NRXN3: variants seen among roughly 807,000 people sequenced by gnomAD.
NRXN3 encodes the protein neurexin III.
Under a neutral mutation model 137.6 loss-of-function variants are expected in NRXN3, and 32 were observed. The ratio of observed to expected loss-of-function variants is 0.23; its 90% CI spans 0.18 to 0.31. The LOEUF (loss-of-function observed/expected upper bound fraction) is 0.31. Among genes scored for constraint, NRXN3 ranks in the 10% least tolerant of loss-of-function variants. The pLI is 1.00. For synonymous variants in NRXN3, 798 were observed against 784.5 expected (o/e 1.02, Z -0.29); for missense variants, 1,574 against 2,062.5 (o/e 0.76, Z 4.59).
At chr14:78,588,097 G>C (rs186590044) in intron 4 of NRXN3, among the ~76,000 whole-genome samples, 16 of 151,712 alleles carry the variant, frequency 1.1e-4, no homozygotes, top group Admixed American at 2.0e-4. Flanking sequence ...AAATGAGAGG[G>C]ATTTTTTTTG....
At chr14:79,679,672 T>C (rs990922204) in intron 17 of NRXN3, among the ~76,000 whole-genome samples, 1 of 152,124 alleles carries the variant, frequency 6.6e-6, no homozygotes, top group African/African-American at 2.4e-5. Context: ...AAGCACTGCT[T>C]CTAAGGTGAT....
intron 15 of NRXN3, among the ~76,000 whole-genome samples, chr14:79,155,671 T>C (rs2060196473): frequency 1.3e-5 from 2 of 151,790 alleles, no homozygotes; most frequent in African/African-American, 4.8e-5. Flanking sequence ...TATTATAGCC[T>C]GACAAAAGAC....
chr14:79,099,177 AG>A, intron 15 of NRXN3, among the ~76,000 whole-genome samples: 1 of 152,308 alleles, frequency 6.6e-6, no homozygotes, highest in East Asian at 1.9e-4. Flanking sequence ...GACAATTATG[AG>A]TAGGTTTTTT....
chr14:79,309,741 T>C (rs1252013429), intron 15 of NRXN3, among the ~76,000 whole-genome samples: 2 of 148,874 alleles, frequency 1.3e-5, no homozygotes, highest in Non-Finnish European at 3.0e-5. Context: ...TTTTGAGAAG[T>C]GTCTGTTCAT....
At chr14:79,165,198 T>C (rs1026187183) in intron 15 of NRXN3, among the ~76,000 whole-genome samples, 6 of 152,116 alleles carry the variant, frequency 3.9e-5, no homozygotes, top group African/African-American at 1.4e-4. Flanking sequence ...ATGTAGCATA[T>C]GCTTGCCCAG....
At chr14:79,454,323 C>T (rs946122979) in intron 15 of NRXN3, among the ~76,000 whole-genome samples, 3 of 152,226 alleles carry the variant, frequency 2.0e-5, no homozygotes, top group Admixed American at 6.5e-5. Context: ...ACCTTGTGAT[C>T]CACCTGCCTA....
chr14:79,738,294 G>A (rs999689312), intron 19 of NRXN3, among the ~76,000 whole-genome samples: 2 of 145,034 alleles, frequency 1.4e-5, no homozygotes, highest in African/African-American at 5.1e-5. Flanking sequence ...TAAGAGTGAG[G>A]CAGAGGGGGC....
intron 4 of NRXN3, among the ~76,000 whole-genome samples, chr14:78,516,779 C>G (rs1336635839): frequency 6.6e-6 from 1 of 152,026 alleles, no homozygotes; most frequent in East Asian, 1.9e-4. Context: ...ATATTTCCCA[C>G]TGAAACTTGG....
chr14:78,518,335 T>G (rs2096240910), intron 4 of NRXN3, among the ~76,000 whole-genome samples: 1 of 152,120 alleles, frequency 6.6e-6, no homozygotes, highest in African/African-American at 2.4e-5. Flanking sequence ...CTGGAAGGAT[T>G]GCAGTCTTTA....
chr14:78,518,399 C>T (rs936417262), intron 4 of NRXN3, among the ~76,000 whole-genome samples: 1 of 152,036 alleles, frequency 6.6e-6, no homozygotes, highest in Non-Finnish European at 1.5e-5. Context: ...GGATCTAATC[C>T]AGTCCGGAGT....
intron 15 of NRXN3, among the ~76,000 whole-genome samples, chr14:79,288,250 T>G (rs1462313543): frequency 6.6e-6 from 1 of 152,236 alleles, no homozygotes; most frequent in Non-Finnish European, 1.5e-5. Context: ...ATGGGAAGAA[T>G]GCAGCTTTCA....
chr14:78,205,297 G>T (rs1241204724), intron 1 of NRXN3, among the ~76,000 whole-genome samples: 1 of 152,242 alleles, frequency 6.6e-6, no homozygotes, highest in Non-Finnish European at 1.5e-5. Flanking sequence ...GGAAATGGAG[G>T]TCTGGGGGGG....
chr14:78,563,877 G>A (rs905676104), intron 4 of NRXN3, among the ~76,000 whole-genome samples: 11 of 152,178 alleles, frequency 7.2e-5, no homozygotes, highest in Admixed American at 6.5e-4. Context: ...GGGATCATGG[G>A]GGACCCAGAA....
chr14:78,475,479 G>A (rs535643985), intron 4 of NRXN3, among the ~76,000 whole-genome samples: 18 of 152,246 alleles, frequency 1.2e-4, no homozygotes, highest in African/African-American at 4.1e-4. Context: ...CTAGGTTATT[G>A]CCAAGCTCTC....
chr14:78,778,385 A>G (rs190869844), intron 8 of NRXN3, among the ~76,000 whole-genome samples: 1 of 152,218 alleles, frequency 6.6e-6, no homozygotes, highest in Non-Finnish European at 1.5e-5. Context: ...AAAAAAGGAT[A>G]TCAGATAAAT....
At chr14:79,802,368 G>C (rs1284529468) in intron 19 of NRXN3, among the ~76,000 whole-genome samples, 1 of 152,096 alleles carries the variant, frequency 6.6e-6, no homozygotes, top group Non-Finnish European at 1.5e-5. Flanking sequence ...TGTATTCTCA[G>C]CCTCTTTATT....
intron 4 of NRXN3, among the ~76,000 whole-genome samples, chr14:78,433,779 A>G (rs1250681792): frequency 2.0e-5 from 3 of 152,098 alleles, no homozygotes; most frequent in Admixed American, 1.3e-4. Flanking sequence ...TCTGCTCTTT[A>G]TAAATTACCC....
At chr14:78,808,995 G>C (rs1053328657) in intron 9 of NRXN3, among the ~76,000 whole-genome samples, 6 of 151,734 alleles carry the variant, frequency 4.0e-5, no homozygotes, top group African/African-American at 1.5e-4. Flanking sequence ...AGTATCTAAC[G>C]GTAAACAAAT....
intron 15 of NRXN3, among the ~76,000 whole-genome samples, chr14:79,401,735 A>G (rs181040820): frequency 2.6e-5 from 4 of 152,144 alleles, no homozygotes; most frequent in Admixed American, 2.0e-4. Context: ...TGACAGGACA[A>G]TGGACCTCAA....
Sources: allele counts gnomAD v4.1 joint callset (sites outside exome capture counted in the v4.1 genomes callset), GRCh38; gene constraint gnomAD v4.1.1; transcripts MANE v1.5; gene names NCBI Gene and HGNC (gene_info 2026-07-23, HGNC 2026-07-21).